RFX2: variants seen among roughly 807,000 people sequenced by gnomAD.
The protein encoded by RFX2 is regulatory factor X2, also known as DNA-binding protein RFX2.
A neutral mutation model predicts 87.8 loss-of-function variants in RFX2; 20 were observed. The ratio of observed to expected loss-of-function variants is 0.23; its 90% CI spans 0.16 to 0.33. The LOEUF (loss-of-function observed/expected upper bound fraction) is 0.33. Among genes scored for constraint, RFX2 ranks in the 10% least tolerant of loss-of-function variants. The pLI, the probability that RFX2 is intolerant of heterozygous loss-of-function variation, is 1.00. For synonymous variants in RFX2, 397 were observed against 431.3 expected (o/e 0.92, Z 0.98); for missense variants, 767 against 1,012.3 (o/e 0.76, Z 3.29).
At chr19:6,000,486 G>A (rs1444063329) in intron 15 of RFX2, among the ~76,000 whole-genome samples, 1 of 152,208 alleles carries the variant, frequency 6.6e-6, no homozygotes, top group Non-Finnish European at 1.5e-5. Flanking sequence ...ATCTCACCTT[G>A]AATTGTAATG....
intron 3 of RFX2, among the ~76,000 whole-genome samples, chr19:6,043,770 G>A (rs192393929): frequency 5.8e-4 from 88 of 152,330 alleles, no homozygotes; most frequent in Non-Finnish European, 6.6e-4. Context: ...CTGGTCAGCC[G>A]TGCTTTCAAA....
At position 6,083,721 on chromosome 19, in the gene RFX2, G is replaced by C. The variant is rs1230719971; in HGVS notation, c.-9+26672C>G. ...CCAGAAGCTGAGACCACAGGTATGT[G>C]CCACCATGCCCGGGTAATTTTTTAA... On this transcript the variant is annotated intron_variant, in intron 1 of 17. Coordinates refer to ENST00000303657, the MANE Select transcript of RFX2 (RefSeq NM_000635.4). This position sits in a 1 kb window ranked among gnomAD's most constrained non-coding sequence, Gnocchi z 4.6. 4.6e-5 allele frequency among the ~76,000 whole-genome samples: 7 copies of C among 151,884 alleles called. No homozygotes were observed. Among genetic ancestry groups the C allele is most frequent in the Admixed American group, 4.6e-4 (7 of 15,236 alleles).
intron 4 of RFX2, among the ~76,000 whole-genome samples, chr19:6,041,649 A>G (rs1032758318): frequency 6.6e-6 from 1 of 151,600 alleles, no homozygotes; most frequent in Non-Finnish European, 1.5e-5. Flanking sequence ...AAAAGTAAAA[A>G]GTACAAAAGT....
intron 9 of RFX2, among the ~76,000 whole-genome samples, chr19:6,009,080 G>A (rs963568671): frequency 6.6e-6 from 1 of 152,156 alleles, no homozygotes; most frequent in African/African-American, 2.4e-5. Context: ...AGAAAGCCCT[G>A]AGCCCAGGCC....
intron 1 of RFX2, among the ~76,000 whole-genome samples, chr19:6,071,376 C>T (rs1005430871): frequency 1.1e-4 from 17 of 152,178 alleles, no homozygotes; most frequent in Non-Finnish European, 1.0e-4. Context: ...AAGATCCTGT[C>T]GGTACTTTTA....
In RFX2 at chr19:6,007,619, G is replaced by C. The variant is rs1026784890; in HGVS notation, c.1247+71C>G. 16 of 868,372 alleles carry C rather than the reference G, an allele frequency of 1.8e-5. No individual in the cohort carries two copies. The African/African-American group carries it at 2.3e-4, about 13-fold the overall frequency. 53.8% of individuals were successfully genotyped at this position (868,372 alleles called of 1,614,324 possible). On this transcript the variant is annotated intron_variant, in intron 11 of 17. Coordinates refer to ENST00000303657, the MANE Select transcript of RFX2 (RefSeq NM_000635.4). This position sits in a 1 kb window ranked among gnomAD's most constrained non-coding sequence, Gnocchi z 8.2. The stretch of plus-strand genomic sequence containing the variant: ...TGGAGAGCTGAGGCTTTCGTTTGTG[G>C]GTTACCTGTGGACGTCAGCAGGGGG...
chr19:6,009,283 G>C (rs1236140967), intron 9 of RFX2, among the ~76,000 whole-genome samples: 1 of 152,202 alleles, frequency 6.6e-6, no homozygotes, highest in Admixed American at 6.5e-5. Flanking sequence ...CACTGAGTGT[G>C]TACAGAGCCC....
At chr19:6,042,383 C>T (rs1161891398) in intron 3 of RFX2, among the ~76,000 whole-genome samples, 1 of 152,220 alleles carries the variant, frequency 6.6e-6, no homozygotes, top group African/African-American at 2.4e-5. Context: ...GCCCTGGCTC[C>T]TCTGTATACG....
chr19:6,031,133 G>A (rs949204700), intron 5 of RFX2, among the ~76,000 whole-genome samples: 2 of 152,030 alleles, frequency 1.3e-5, no homozygotes, highest in Admixed American at 1.3e-4. Flanking sequence ...TTCATTTTTG[G>A]AAACATGTCT....
At chr19:6,084,658 G>A (rs1412605247) in intron 1 of RFX2, among the ~76,000 whole-genome samples, 1 of 102,856 alleles carries the variant, frequency 9.7e-6, no homozygotes, top group Non-Finnish European at 1.7e-5. Context: ...TTTTGAGACA[G>A]AATCTCGCTC....
Position 6,056,019 on chromosome 19 carries a change from G to T in RFX2, c.-8-8515C>A, listed in dbSNP as rs535914877. On this transcript the variant is annotated intron_variant, in intron 1 of 17. Transcript: ENST00000303657. The surrounding 1 kb of genome is among the most constrained non-coding windows in gnomAD (Gnocchi z 4.6). ...TTAAAAAAAAATCATAATAGTGGGT[G>T]GGGGGGCAGGTGGCGGTGGGCGAGA... 7.2e-5 allele frequency among the ~76,000 whole-genome samples: 11 copies of T among 152,046 alleles called. No homozygotes were observed. In the South Asian group the frequency reaches 2.3e-3, roughly 32 times the overall value.
chr19:6,041,984 G>A (rs1439205074), intron 4 of RFX2, 60 bp downstream of exon 4: 1 of 1,391,762 alleles, frequency 7.2e-7, no homozygotes, highest in East Asian at 2.3e-5. Context: ...GCCTCCCCAG[G>A]TGGCAAAGGC....
chr19:6,076,137 C>T (rs2144846969), intron 1 of RFX2, among the ~76,000 whole-genome samples: 1 of 152,186 alleles, frequency 6.6e-6, no homozygotes, highest in Non-Finnish European at 1.5e-5. Context: ...GTCATGAGTT[C>T]GAGAGCAGCC....
chr19:6,018,014 A>G (rs1016106926), intron 6 of RFX2, among the ~76,000 whole-genome samples: 1 of 150,950 alleles, frequency 6.6e-6, no homozygotes, highest in African/African-American at 2.4e-5. Flanking sequence ...TCACTCTGTC[A>G]CCCAGGCTGG....
chr19:6,037,511 G>T (rs1205939988), intron 5 of RFX2, among the ~76,000 whole-genome samples: 1 of 152,138 alleles, frequency 6.6e-6, no homozygotes, highest in East Asian at 1.9e-4. Context: ...GTTACAAAAT[G>T]CTGATGAAAG....
At chr19:6,075,210 C>T (rs2087673809) in intron 1 of RFX2, among the ~76,000 whole-genome samples, 1 of 151,986 alleles carries the variant, frequency 6.6e-6, no homozygotes, top group Admixed American at 6.6e-5. Context: ...TTTGCTGAAA[C>T]AGCCCAAACA....
chr19:6,005,697 C>T (rs1356185559), intron 12 of RFX2, among the ~76,000 whole-genome samples: 1 of 152,208 alleles, frequency 6.6e-6, no homozygotes, highest in Non-Finnish European at 1.5e-5. Flanking sequence ...TGGAATCCCA[C>T]GGTGCTGGGA....
At chr19:6,054,510 T>C (rs2087306712) in intron 1 of RFX2, among the ~76,000 whole-genome samples, 1 of 152,176 alleles carries the variant, frequency 6.6e-6, no homozygotes, top group Non-Finnish European at 1.5e-5. Context: ...AATTCAACAA[T>C]ATATAAATAA....
At chr19:6,082,557 C>A (rs528836123) in intron 1 of RFX2, among the ~76,000 whole-genome samples, 4 of 152,244 alleles carry the variant, frequency 2.6e-5, no homozygotes, top group South Asian at 4.2e-4. Flanking sequence ...CACAGCCTCC[C>A]GTGTAGCTAG....
Sources: allele counts gnomAD v4.1 joint callset (sites outside exome capture counted in the v4.1 genomes callset), GRCh38; gene constraint gnomAD v4.1.1; non-coding constraint Gnocchi (gnomAD v3.1); transcripts MANE v1.5; gene names NCBI Gene and HGNC (gene_info 2026-07-23, HGNC 2026-07-21).